Variants in PRKACB observed in about 807,000 individuals in gnomAD.
PRKACB encodes the protein protein kinase cAMP-activated catalytic subunit beta.
Under a neutral mutation model 51.4 loss-of-function variants are expected in PRKACB, and 16 were observed. The ratio of observed to expected loss-of-function variants is 0.31; its 90% CI spans 0.21 to 0.47. PRKACB has a LOEUF of 0.47. Ranked by LOEUF, PRKACB falls within the 20% of genes least tolerant of loss-of-function variation. The pLI, the probability that PRKACB is intolerant of heterozygous loss-of-function variation, is 1.00. For missense variants in PRKACB, 309 were observed against 464.5 expected (o/e 0.67, Z 3.08); for synonymous variants, 147 against 154.4 (o/e 0.95, Z 0.35).
intron 1 of PRKACB, among the ~76,000 whole-genome samples, chr1:84,079,022 A>T (rs1647311795): frequency 6.6e-6 from 1 of 152,226 alleles, no homozygotes; most frequent in Non-Finnish European, 1.5e-5. Flanking sequence ...CTTAAAGGTC[A>T]TTCGGAGTTG....
intron 8 of PRKACB, among the ~76,000 whole-genome samples, chr1:84,203,280 A>C (rs557921628): frequency 6.6e-6 from 1 of 152,172 alleles, no homozygotes; most frequent in Admixed American, 6.5e-5. Context: ...ATTGATTTTA[A>C]CAGAATTGTT....
At chr1:84,127,619 T>C (rs115698975) in intron 1 of PRKACB, among the ~76,000 whole-genome samples, 19,695 of 144,866 alleles carry the variant, frequency 0.14, 1,648 homozygotes, top group Non-Finnish European at 0.2. Flanking sequence ...CTGTGTGAGA[T>C]AAATATGAAT....
intron 3 of PRKACB, among the ~76,000 whole-genome samples, chr1:84,183,682 TTATA>T (rs1664255542): frequency 2.0e-5 from 3 of 151,892 alleles, no homozygotes; most frequent in Middle Eastern, 3.4e-3. Flanking sequence ...CCTTAAGTAA[TTATA>T]TATTTATTTA....
At chr1:84,078,956 A>T (rs1292151327) in intron 1 of PRKACB, among the ~76,000 whole-genome samples, 1 of 152,236 alleles carries the variant, frequency 6.6e-6, no homozygotes, top group South Asian at 2.1e-4. Context: ...GAAAAAAGCC[A>T]GGCAGGTTTG....
Position 84,108,106 on chromosome 1 carries a change from G to T in PRKACB, c.46+29735G>T, listed in dbSNP as rs566442198. On this transcript the variant is annotated intron_variant, in intron 1 of 8. Transcript: ENST00000370688. ...GTCCATCAATGGTAGACTGGATAAA[G>T]AAAATGTACATATACACCATGGAAT... Among the ~76,000 whole-genome samples, 3 of 152,214 alleles carry T rather than the reference G, an allele frequency of 2.0e-5. No homozygotes were observed. The East Asian group carries it at 5.8e-4, about 29-fold the overall frequency.
rs570888468 is a variant in PRKACB, at chr1:84,175,194, ATAGT to A, written c.188-3981_188-3978del. On this transcript the variant is annotated intron_variant, in intron 1 of 9. Coordinates refer to ENST00000370685, the MANE Select transcript of PRKACB (RefSeq NM_182948.4). ...TGAAATATTTTCATTGATGAAGGAA[ATAGT>A]TTGTTTAGTTTTGTTGGGTTTTATC... is the stretch of plus-strand genomic sequence containing the variant. The A allele has an allele frequency of 7.0e-4, 623 of 889,078 alleles. 2 individuals are homozygous for A. In the African/African-American group the frequency reaches 9.2e-3, roughly 13 times the overall value. 55.1% of individuals were successfully genotyped at this position (889,078 alleles called of 1,614,324 possible).
chr1:84,226,521 T>G (rs1420476399), intron 9 of PRKACB, among the ~76,000 whole-genome samples: 1 of 152,188 alleles, frequency 6.6e-6, no homozygotes, highest in Non-Finnish European at 1.5e-5. Flanking sequence ...GTGTTTGCTT[T>G]CCCGTTATAG....
At chr1:84,218,850 A>G (rs1673251808) in intron 9 of PRKACB, among the ~76,000 whole-genome samples, 1 of 152,136 alleles carries the variant, frequency 6.6e-6, no homozygotes. Flanking sequence ...GGGTACGATG[A>G]TATCTCACTG....
chr1:84,214,419 C>A, intron 9 of PRKACB, 102 bp downstream of exon 9: 1 of 1,128,002 alleles, frequency 8.9e-7, no homozygotes, highest in Non-Finnish European at 1.2e-6. Context: ...AATTTTTTTA[C>A]CTTTTGAATT....
At chr1:84,146,311 T>G (rs1293252984) in intron 1 of PRKACB, among the ~76,000 whole-genome samples, 1 of 151,928 alleles carries the variant, frequency 6.6e-6, no homozygotes, top group Non-Finnish European at 1.5e-5. Flanking sequence ...CCTTTTTATA[T>G]CCCTGAATAC....
chr1:84,084,860 C>T (rs1647839452), intron 1 of PRKACB, among the ~76,000 whole-genome samples: 1 of 152,114 alleles, frequency 6.6e-6, no homozygotes, highest in Admixed American at 6.5e-5. Flanking sequence ...TAAATGATAG[C>T]TGATTGGTTA....
chr1:84,205,311 G>A, intron 8 of PRKACB: 1 of 958,800 alleles, frequency 1.0e-6, no homozygotes, highest in South Asian at 4.8e-5. Flanking sequence ...AAACTAGAAT[G>A]TGTCTCTATT....
intron 1 of PRKACB, among the ~76,000 whole-genome samples, chr1:84,096,688 GT>G (rs530399790): frequency 1.3e-5 from 2 of 151,812 alleles, no homozygotes; most frequent in African/African-American, 2.4e-5. Context: ...TTTAACAAGA[GT>G]TTTTTTTATA....
chr1:84,106,893 G>T (rs544145012), intron 1 of PRKACB, among the ~76,000 whole-genome samples: 1 of 152,160 alleles, frequency 6.6e-6, no homozygotes, highest in Non-Finnish European at 1.5e-5. Flanking sequence ...CATAGTACTG[G>T]TATAAAAACA....
At chr1:84,122,034 A>G (rs1363386161) in intron 1 of PRKACB, among the ~76,000 whole-genome samples, 2 of 152,030 alleles carry the variant, frequency 1.3e-5, no homozygotes, top group African/African-American at 2.4e-5. Flanking sequence ...TATAAATCCT[A>G]GCAGATAGGG....
At chr1:84,214,049 T>C in intron 8 of PRKACB, 104 bp from the exon 9 acceptor site, 1 of 1,219,234 alleles carries the variant, frequency 8.2e-7, no homozygotes, top group Non-Finnish European at 1.1e-6. Flanking sequence ...CATATTTTTG[T>C]TTATATAATG....
At chr1:84,193,474 T>C (rs1292031770) in intron 5 of PRKACB, among the ~76,000 whole-genome samples, 1 of 152,190 alleles carries the variant, frequency 6.6e-6, no homozygotes, top group Admixed American at 6.5e-5. Context: ...ACAGACCAGG[T>C]GGTCTTTGGT....
intron 9 of PRKACB, among the ~76,000 whole-genome samples, chr1:84,221,509 G>T (rs1673721108): frequency 1.3e-5 from 2 of 151,056 alleles, no homozygotes; most frequent in African/African-American, 2.4e-5. Context: ...TGCTTTTCTA[G>T]TTCCTTGAGG....
At chr1:84,134,803 G>A (rs1031589681) in intron 1 of PRKACB, among the ~76,000 whole-genome samples, 3 of 152,094 alleles carry the variant, frequency 2.0e-5, no homozygotes, top group Non-Finnish European at 2.9e-5. Flanking sequence ...GATAAAAAAC[G>A]AAACTTAGTT....
Sources: allele counts gnomAD v4.1 joint callset (sites outside exome capture counted in the v4.1 genomes callset), GRCh38; gene constraint gnomAD v4.1.1; transcripts MANE v1.5; gene names NCBI Gene and HGNC (gene_info 2026-07-23, HGNC 2026-07-21).